LRRTM4: variants seen among roughly 807,000 people sequenced by gnomAD.
LRRTM4 encodes the protein leucine-rich repeat transmembrane neuronal protein 4.
In LRRTM4, 25 loss-of-function variants were observed where a neutral mutation model predicts 47.6. That is an observed-to-expected ratio of 0.53 (90% CI 0.38 to 0.73). LRRTM4 has a LOEUF of 0.73. LRRTM4 is among the 30% of genes least tolerant of loss of function. The probability of loss-of-function intolerance (pLI) is 0.00; values close to 1 mark genes in which losing one functional copy is unlikely to be tolerated. For missense variants in LRRTM4, 638 were observed against 713.4 expected (o/e 0.89, Z 1.20); for synonymous variants, 311 against 269.5 (o/e 1.15, Z -1.51).
At chr2:77,133,991 T>G (rs966169525) in intron 3 of LRRTM4, among the ~76,000 whole-genome samples, 1 of 152,182 alleles carries the variant, frequency 6.6e-6, no homozygotes, top group Non-Finnish European at 1.5e-5. Flanking sequence ...GTAGGTACAC[T>G]CTTCCTTGGT....
intron 3 of LRRTM4, among the ~76,000 whole-genome samples, chr2:76,974,596 T>A (rs75152251): frequency 0.097 from 14,618 of 151,432 alleles, 1,051 homozygotes; most frequent in East Asian, 0.38. Flanking sequence ...ACTATCCAAG[T>A]ATATATCCAC....
chr2:76,932,098 C>T (rs1170672731), intron 3 of LRRTM4, among the ~76,000 whole-genome samples: 2 of 152,096 alleles, frequency 1.3e-5, no homozygotes, highest in African/African-American at 4.8e-5. Context: ...TTATTGTGTT[C>T]ATCCTGTTCC....
intron 3 of LRRTM4, among the ~76,000 whole-genome samples, chr2:77,469,645 T>G (rs1329729520): frequency 6.6e-6 from 1 of 152,182 alleles, no homozygotes; most frequent in Non-Finnish European, 1.5e-5. Context: ...TGATGAATTG[T>G]GGCAAACTAA....
intron 3 of LRRTM4, among the ~76,000 whole-genome samples, chr2:77,073,933 T>C (rs1680247658): frequency 6.6e-6 from 1 of 152,092 alleles, no homozygotes; most frequent in Non-Finnish European, 1.5e-5. Context: ...ATTTAATAAA[T>C]TTAATTTTAC....
At chr2:77,019,742 ATAC>A (rs1432518589) in intron 3 of LRRTM4, among the ~76,000 whole-genome samples, 1 of 152,132 alleles carries the variant, frequency 6.6e-6, no homozygotes, top group African/African-American at 2.4e-5. Flanking sequence ...TATATTAATG[ATAC>A]TTATTATGTA....
At chr2:76,935,148 T>C (rs1021961996) in intron 3 of LRRTM4, among the ~76,000 whole-genome samples, 2 of 152,110 alleles carry the variant, frequency 1.3e-5, no homozygotes, top group African/African-American at 4.8e-5. Flanking sequence ...AAAAATGACA[T>C]TGTGTAGTGT....
intron 3 of LRRTM4, among the ~76,000 whole-genome samples, chr2:77,371,111 T>C (rs996250232): frequency 2.0e-5 from 3 of 151,892 alleles, no homozygotes; most frequent in South Asian, 2.1e-4. Flanking sequence ...ATTTCAATGG[T>C]CAACTTACAT....
intron 3 of LRRTM4, among the ~76,000 whole-genome samples, chr2:77,077,922 A>G (rs1197764809): frequency 6.6e-6 from 1 of 152,154 alleles, no homozygotes; most frequent in Non-Finnish European, 1.5e-5. Context: ...TAACAAAGGG[A>G]GCATTGCATT....
intron 3 of LRRTM4, among the ~76,000 whole-genome samples, chr2:77,323,828 C>T (rs778053436): frequency 1.3e-5 from 2 of 151,904 alleles, no homozygotes; most frequent in Non-Finnish European, 2.9e-5. Context: ...TGGTCTTGGG[C>T]GAGTTACTTA....
Position 76,807,443 on chromosome 2 carries a change from T to TATATACACAC in LRRTM4, c.1552-58528_1552-58527insGTGTGTATAT, listed in dbSNP as rs1340328428. Among the ~76,000 whole-genome samples the TATATACACAC allele has an allele frequency of 1.9e-4, 19 of 99,490 alleles. No individual in the cohort carries two copies. The Admixed American group carries it at 2.0e-3, about 10-fold the overall frequency. The allele number at this position is 99,490 out of a possible 152,430, so 65.3% of individuals were successfully genotyped here. ...ATATATACATATATATATACGTATA[T>TATATACACAC]ACATATATATATATACATATATATA... On this transcript the variant is annotated intron_variant, in intron 3 of 3. Transcript: ENST00000409884.
At chr2:77,501,498 GT>G (rs543553306) in intron 3 of LRRTM4, among the ~76,000 whole-genome samples, 1 of 150,724 alleles carries the variant, frequency 6.6e-6, no homozygotes, top group South Asian at 2.1e-4. Flanking sequence ...ACAATAAAAA[GT>G]TAGTTGAATT....
At chr2:76,954,907 T>G (rs1467137227) in intron 3 of LRRTM4, among the ~76,000 whole-genome samples, 1 of 151,684 alleles carries the variant, frequency 6.6e-6, no homozygotes, top group Non-Finnish European at 1.5e-5. Flanking sequence ...ATAGTAAAAG[T>G]GCTGGGGACA....
chr2:77,076,124 T>C (rs1196473772), intron 3 of LRRTM4, among the ~76,000 whole-genome samples: 1 of 152,050 alleles, frequency 6.6e-6, no homozygotes, highest in Middle Eastern at 3.2e-3. Flanking sequence ...AGCCATTCTT[T>C]GAAGAGAAAG....
intron 3 of LRRTM4, among the ~76,000 whole-genome samples, chr2:77,078,627 C>T (rs1680428794): frequency 6.6e-6 from 1 of 152,104 alleles, no homozygotes; most frequent in Admixed American, 6.6e-5. Context: ...TGGGGAGATG[C>T]TACCTTTTGA....
chr2:76,771,079 T>C (rs1673681286), intron 3 of LRRTM4, among the ~76,000 whole-genome samples: 1 of 152,168 alleles, frequency 6.6e-6, no homozygotes, highest in Non-Finnish European at 1.5e-5. Context: ...TAACATTTAA[T>C]ATTTGCCTCT....
In LRRTM4 at chr2:76,981,689, C is replaced by T. The variant is rs75249651; in HGVS notation, c.1552-232773G>A. Among the ~76,000 whole-genome samples the T allele has an allele frequency of 8.5e-3, 1,296 of 151,940 alleles. 11 individuals are homozygous for T. The highest frequency in any genetic ancestry group is 0.014 in the Non-Finnish European group (946 of 67,916). Reference sequence around the variant, plus strand: ...TAAATTTTTTGCAGAGAAGGAGTCTCGTTATTTTGCCAGGGCTCTTCTCAG... The same window carrying T: ...TAAATTTTTTGCAGAGAAGGAGTCTTGTTATTTTGCCAGGGCTCTTCTCAG... On this transcript the variant is annotated intron_variant, in intron 3 of 3. Transcript: ENST00000409884.
intron 3 of LRRTM4, among the ~76,000 whole-genome samples, chr2:76,778,965 T>C (rs1276688794): frequency 2.0e-5 from 3 of 150,132 alleles, no homozygotes; most frequent in South Asian, 2.1e-4. Flanking sequence ...GTTGTGTCTT[T>C]GTTTTCGTTG....
chr2:76,951,287 G>A (rs374398460), intron 3 of LRRTM4, among the ~76,000 whole-genome samples: 14 of 151,936 alleles, frequency 9.2e-5, no homozygotes, highest in Admixed American at 7.9e-4. Flanking sequence ...TATGAAAGAC[G>A]TATAATGATT....
chr2:77,166,381 C>T (rs2103822149), intron 3 of LRRTM4, among the ~76,000 whole-genome samples: 1 of 152,248 alleles, frequency 6.6e-6, no homozygotes, highest in Non-Finnish European at 1.5e-5. Flanking sequence ...TCCACACTGT[C>T]CAAGATAATT....
Sources: gnomAD v4.1 joint callset for allele counts (sites outside exome capture counted in the v4.1 genomes callset) on GRCh38, gnomAD v4.1.1 for gene constraint, MANE v1.5 for transcripts, NCBI Gene and HGNC (gene_info 2026-07-23, HGNC 2026-07-21) for gene names.